Variants in PCNX2 observed in about 807,000 individuals in gnomAD.
PCNX2 encodes the protein pecanex 2.
Under a neutral mutation model 223.8 loss-of-function variants are expected in PCNX2, and 168 were observed. The ratio of observed to expected loss-of-function variants is 0.75; its 90% CI spans 0.66 to 0.85. The LOEUF is 0.85. PCNX2 is among the 40% of genes least tolerant of loss of function. PCNX2 has a pLI of 0.00. For missense variants in PCNX2, 2,507 were observed against 2,675.5 expected (o/e 0.94, Z 1.39); for synonymous variants, 1,006 against 1,052.6 (o/e 0.96, Z 0.86).
At chr1:233,034,989 A>G (rs1209622793) in intron 25 of PCNX2, among the ~76,000 whole-genome samples, 1 of 152,216 alleles carries the variant, frequency 6.6e-6, no homozygotes, top group Admixed American at 6.5e-5. Context: ...GGAACAGACC[A>G]GCGATGGGGA....
At chr1:232,996,906 C>T (rs374096679) in intron 32 of PCNX2, among the ~76,000 whole-genome samples, 1 of 152,242 alleles carries the variant, frequency 6.6e-6, no homozygotes, top group Admixed American at 6.5e-5. Flanking sequence ...GACAAAGGCA[C>T]ACATGACTCC....
At chr1:233,069,852 C>A (rs915893994) in intron 23 of PCNX2, among the ~76,000 whole-genome samples, 1 of 151,666 alleles carries the variant, frequency 6.6e-6, no homozygotes, top group African/African-American at 2.4e-5. Flanking sequence ...AAAGAAAACC[C>A]AAAGCAAGCA....
rs1333398416 is a variant in PCNX2 at position 233,218,153 on chromosome 1, T to C, written c.2536A>G (p.Ile846Val). ...TEDIKENVLA[I>V]LLIVLVSLLG... Reference sequence around the variant, plus strand: ...AGGGAAACCAGGACAATGAGTAAAATCGCCAGTACATTCTCCTTGATGTCT... The same window carrying C: ...AGGGAAACCAGGACAATGAGTAAAACCGCCAGTACATTCTCCTTGATGTCT... The change falls in exon 11 of 34, where the codon ATT becomes GTT. Residue 846 changes from isoleucine (I) to valine (V), a missense_variant. Ile to Val is a conservative substitution (Grantham distance 29, BLOSUM62 3). This residue lies in a region of PCNX2 where 104 missense variants were observed against 144.4 expected (regional missense o/e 0.72). Transcript: ENST00000258229. 3.2e-5 allele frequency: 44 copies of C among 1,359,900 alleles called. No homozygotes were observed. The highest frequency in any genetic ancestry group is 6.7e-5 in the African/African-American group (4 of 59,864). 84.2% of individuals were successfully genotyped at this position (1,359,900 alleles called of 1,614,324 possible).
intron 25 of PCNX2, among the ~76,000 whole-genome samples, chr1:233,027,522 T>C (rs2102837080): frequency 6.6e-6 from 1 of 152,346 alleles, no homozygotes; most frequent in African/African-American, 2.4e-5. Flanking sequence ...CTCCAATGTT[T>C]CTCTATTTTC....
At chr1:233,313,042 G>A in the PCNX2 span, among the ~76,000 whole-genome samples, 1 of 152,096 alleles carries the variant, frequency 6.6e-6, no homozygotes, top group Non-Finnish European at 1.5e-5. Context: ...AAAACCTAAA[G>A]GAAGAAACTA....
chr1:233,054,392 A>C lies in PCNX2; in HGVS notation c.4227T>G (p.Arg1409=). 6.2e-7 allele frequency: 1 copy of C among 1,613,868 alleles called. No homozygotes were observed. The change falls in exon 25 of 34, where the codon CGT becomes CGG. Residue 1409 remains arginine (R), a synonymous_variant. Coordinates refer to ENST00000258229, the MANE Select transcript of PCNX2 (RefSeq NM_014801.4). ...ESLCGDLVLG[R]WGNYSSGDCF... is the part of the protein sequence containing the mutation. ...AATCGCCAGAGCTGTAGTTGCCCCA[A>C]CGTCCAAGAACTAAGTCTCCACAGA...
At chr1:233,080,197 TATC>T (rs1673289925) in intron 23 of PCNX2, among the ~76,000 whole-genome samples, 2 of 152,320 alleles carry the variant, frequency 1.3e-5, no homozygotes, top group Non-Finnish European at 2.9e-5. Context: ...ATTTCTATGT[TATC>T]ATACATAACT....
rs776043496 is a variant in PCNX2, at chr1:233,262,098, G to A, written c.427C>T (p.Arg143Cys). 65 of 1,613,734 alleles carry A rather than the reference G, an allele frequency of 4.0e-5. No individual in the cohort carries two copies. Among genetic ancestry groups the A allele is most frequent in the Middle Eastern group, 1.6e-4 (1 of 6,082 alleles). ...ATGCTTTGCCCTCTGGAGCTGCAGC[G>A]GAGGGGAGGCGTGGAGAGGTTTCGA... ...ASRNLSTPPL[R>C]CSSRGQSITS... Residue 143 changes from arginine (R) to cysteine (C), a missense_variant, in exon 3 of 34, where the codon CGC becomes TGC. Physicochemically the swap from Arg to Cys is radical, Grantham distance 180 (BLOSUM62 -3). Coordinates refer to ENST00000258229, the MANE Select transcript of PCNX2 (RefSeq NM_014801.4).
chr1:233,073,043 T>TAATTAATTTTTTA (rs1226021979), intron 23 of PCNX2, among the ~76,000 whole-genome samples: 2 of 152,224 alleles, frequency 1.3e-5, no homozygotes, highest in African/African-American at 4.8e-5. Context: ...TTTAAAAAAT[T>TAATTAATTTTTTA]ACTGATTAAT....
chr1:233,089,900 T>C, intron 23 of PCNX2, 161 bp downstream of exon 23: 1 of 1,414,928 alleles, frequency 7.1e-7, no homozygotes, highest in East Asian at 2.6e-5. Context: ...ACCCAAGAGC[T>C]GAGTCAATGA....
At chr1:233,199,780 A>G (rs996143054) in intron 14 of PCNX2, among the ~76,000 whole-genome samples, 2 of 148,522 alleles carry the variant, frequency 1.3e-5, no homozygotes, top group African/African-American at 2.6e-5. Flanking sequence ...AGACTTGAGC[A>G]TGTGTGTGCT....
chr1:233,085,115 A>G (rs1197023953), intron 23 of PCNX2, among the ~76,000 whole-genome samples: 1 of 152,170 alleles, frequency 6.6e-6, no homozygotes, highest in Non-Finnish European at 1.5e-5. Flanking sequence ...AGGGCGGATC[A>G]CAAGATCAGG....
At chr1:233,173,106 T>A (rs1252283888) in intron 17 of PCNX2, among the ~76,000 whole-genome samples, 1 of 152,228 alleles carries the variant, frequency 6.6e-6, no homozygotes, top group Non-Finnish European at 1.5e-5. Flanking sequence ...TCTGATCCAC[T>A]AATCCCATTC....
chr1:233,304,989 G>T, the PCNX2 span, among the ~76,000 whole-genome samples: 1 of 152,026 alleles, frequency 6.6e-6, no homozygotes, highest in Non-Finnish European at 1.5e-5. Context: ...GGAATATAAG[G>T]AATATTATGA....
Position 233,237,059 on chromosome 1 carries a change from C to T in PCNX2, c.2223-79G>A, listed in dbSNP as rs1658466854. ...TATTTATTATACACAAACACAAGGACAATAGGAATGCCCAAAGCAGGTAGT... is the reference window on the plus strand; with the variant it reads ...TATTTATTATACACAAACACAAGGATAATAGGAATGCCCAAAGCAGGTAGT... On this transcript the variant is annotated intron_variant, in intron 8 of 33. Coordinates refer to ENST00000258229, the MANE Select transcript of PCNX2 (RefSeq NM_014801.4). 6 of 1,561,268 alleles carry T rather than the reference C, an allele frequency of 3.8e-6. 1 individual carries two copies. In the Admixed American group the frequency reaches 1.1e-4, roughly 28 times the overall value.
At chr1:233,114,817 G>C (rs1675313481) in intron 21 of PCNX2, among the ~76,000 whole-genome samples, 1 of 152,098 alleles carries the variant, frequency 6.6e-6, no homozygotes, top group Admixed American at 6.5e-5. Flanking sequence ...ACAGGCTGAG[G>C]GTGGCCTACC....
chr1:233,232,616 C>T (rs1004940269), intron 9 of PCNX2, among the ~76,000 whole-genome samples: 7 of 151,978 alleles, frequency 4.6e-5, no homozygotes, highest in East Asian at 3.9e-4. Flanking sequence ...ATAAATGTTA[C>T]GATATTATAA....
chr1:233,076,583 C>T (rs528777817), intron 23 of PCNX2, among the ~76,000 whole-genome samples: 39 of 152,288 alleles, frequency 2.6e-4, no homozygotes, highest in African/African-American at 8.4e-4. Flanking sequence ...CTTGCTCAGA[C>T]GGACCTCACT....
intron 23 of PCNX2, among the ~76,000 whole-genome samples, chr1:233,088,417 T>C (rs1673706219): frequency 1.3e-5 from 2 of 152,170 alleles, no homozygotes; most frequent in African/African-American, 2.4e-5. Context: ...ATTTGCACTT[T>C]CCAGAAGCAT....
Sources: gnomAD v4.1 joint callset for allele counts (sites outside exome capture counted in the v4.1 genomes callset) on GRCh38, gnomAD v4.1.1 for gene constraint, gnomAD v4.1.1 regional missense constraint, MANE v1.5 for transcripts, NCBI Gene and HGNC (gene_info 2026-07-23, HGNC 2026-07-21) for gene names.